The following SLC9A9 variants were observed in gnomAD, a reference collection of about 807,000 sequenced individuals.
SLC9A9 encodes the protein sodium/hydrogen exchanger 9.
A neutral mutation model predicts 77.8 loss-of-function variants in SLC9A9; 62 were observed. That is an observed-to-expected ratio of 0.80 (90% confidence interval 0.65 to 0.98). The LOEUF (loss-of-function observed/expected upper bound fraction) is 0.98, where lower values mean the gene tolerates loss of function less well. Among genes scored for constraint, SLC9A9 ranks in the 50% least tolerant of loss-of-function variants. SLC9A9 has a pLI of 0.00. For missense variants in SLC9A9, 775 were observed against 774.9 expected (o/e 1.00, Z 0.00); for synonymous variants, 320 against 283.5 (o/e 1.13, Z -1.29).
In SLC9A9 at chr3:143,578,659, A is replaced by T. The variant is rs1270843941; in HGVS notation, c.820T>A (p.Ser274Thr). Residue 274 changes from serine to threonine, a missense_variant, in exon 7 of 16, where the codon TCT (serine) becomes ACT (threonine). Ser to Thr is a moderately conservative substitution (Grantham distance 58, BLOSUM62 1). Transcript: ENST00000316549. Reference protein sequence around the residue: ...NAFDAAAFFQSVGNFLGIFAG... With the variant: ...NAFDAAAFFQTVGNFLGIFAG... ...AAGATTCCCAGGAAATTCCCCACAG[A>T]CTGGAAGAATGCTGCGGCATCAAAT... The T allele has an allele frequency of 6.2e-7, 1 of 1,613,954 alleles. No homozygotes were observed.
In SLC9A9 at chr3:143,767,584, C is replaced by T. The variant is rs529413512; in HGVS notation, c.533+27417G>A. On this transcript the variant is annotated intron_variant, in intron 4 of 15. Coordinates refer to ENST00000316549, the MANE Select transcript of SLC9A9 (RefSeq NM_173653.4). ...CACCTATTGAAAAGAACACCATAGA[C>T]TCCTTGGTTTCTATTATTTTGTGGT... Among the ~76,000 whole-genome samples the T allele has an allele frequency of 3.0e-4, 45 of 152,228 alleles. No homozygotes were observed. In the South Asian group the frequency reaches 8.3e-3, roughly 28 times the overall value.
intron 9 of SLC9A9, among the ~76,000 whole-genome samples, chr3:143,525,506 A>C (rs1243767414): frequency 6.6e-6 from 1 of 152,210 alleles, no homozygotes; most frequent in Non-Finnish European, 1.5e-5. Flanking sequence ...TGGAGGTAGC[A>C]TATGAGTCTC....
chr3:143,303,639 T>C (rs545737701), intron 14 of SLC9A9, among the ~76,000 whole-genome samples: 1 of 152,362 alleles, frequency 6.6e-6, no homozygotes, highest in South Asian at 2.1e-4. Flanking sequence ...ATTTGCTTTT[T>C]ACATATGAGC....
chr3:143,371,343 G>T (rs1480306630), intron 13 of SLC9A9, among the ~76,000 whole-genome samples: 1 of 152,144 alleles, frequency 6.6e-6, no homozygotes, highest in Admixed American at 6.5e-5. Context: ...CCCTAAAACC[G>T]AGGATGAAAT....
intron 5 of SLC9A9, among the ~76,000 whole-genome samples, chr3:143,685,550 C>T (rs1051354010): frequency 6.6e-6 from 1 of 152,080 alleles, no homozygotes; most frequent in African/African-American, 2.4e-5. Flanking sequence ...AATGCAGCTG[C>T]ATCATGTAAA....
At chr3:143,313,656 C>T (rs1440872918) in intron 14 of SLC9A9, among the ~76,000 whole-genome samples, 1 of 152,200 alleles carries the variant, frequency 6.6e-6, no homozygotes, top group East Asian at 1.9e-4. Flanking sequence ...AATACCATGT[C>T]CCGAGAGCGG....
chr3:143,517,654 G>A (rs1477542342), intron 9 of SLC9A9: 1 of 1,597,102 alleles, frequency 6.3e-7, no homozygotes, highest in African/African-American at 1.3e-5. Context: ...CTAGAAGTCT[G>A]TGTGCTTTCG....
At chr3:143,433,115 C>G (rs767635488) in intron 12 of SLC9A9, among the ~76,000 whole-genome samples, 1 of 152,152 alleles carries the variant, frequency 6.6e-6, no homozygotes, top group Non-Finnish European at 1.5e-5. Flanking sequence ...TTGGCCAACC[C>G]TTTTATGCAA....
chr3:143,466,221 G>C (rs1426501339), intron 12 of SLC9A9, among the ~76,000 whole-genome samples: 1 of 152,188 alleles, frequency 6.6e-6, no homozygotes, highest in East Asian at 1.9e-4. Context: ...TAATAGGTAG[G>C]AGTCAGGAAG....
intron 4 of SLC9A9, among the ~76,000 whole-genome samples, chr3:143,771,638 G>C (rs1424095300): frequency 6.6e-6 from 1 of 152,176 alleles, no homozygotes; most frequent in Non-Finnish European, 1.5e-5. Flanking sequence ...TAAACTGCAG[G>C]AAACACCTTA....
intron 6 of SLC9A9, among the ~76,000 whole-genome samples, chr3:143,639,637 A>G (rs1197305248): frequency 2.0e-5 from 3 of 152,228 alleles, no homozygotes; most frequent in Admixed American, 1.3e-4. Flanking sequence ...GCAGTTTTTA[A>G]TTATCCTGAA....
At chr3:143,583,620 T>C (rs568408323) in intron 6 of SLC9A9, among the ~76,000 whole-genome samples, 1 of 152,334 alleles carries the variant, frequency 6.6e-6, no homozygotes, top group East Asian at 1.9e-4. Context: ...TCAGTTTCTA[T>C]AAAATGATGA....
intron 12 of SLC9A9, among the ~76,000 whole-genome samples, chr3:143,411,343 A>G (rs1449329219): frequency 6.6e-6 from 1 of 152,146 alleles, no homozygotes; most frequent in Non-Finnish European, 1.5e-5. Context: ...TGGGTCCTAC[A>G]TTCAATTTTT....
intron 14 of SLC9A9, among the ~76,000 whole-genome samples, chr3:143,331,002 A>T (rs1346442377): frequency 6.6e-6 from 1 of 152,242 alleles, no homozygotes; most frequent in Non-Finnish European, 1.5e-5. Flanking sequence ...GAATCTCAGC[A>T]TTATCATGCA....
At chr3:143,357,230 C>G (rs1012782640) in intron 14 of SLC9A9, among the ~76,000 whole-genome samples, 7 of 152,160 alleles carry the variant, frequency 4.6e-5, no homozygotes, top group African/African-American at 1.7e-4. Context: ...GTTTGTGGCT[C>G]TCCTGAAGAG....
At chr3:143,803,699 C>T (rs531729110) in intron 2 of SLC9A9, among the ~76,000 whole-genome samples, 18 of 152,284 alleles carry the variant, frequency 1.2e-4, no homozygotes, top group South Asian at 4.1e-4. Context: ...ATCTCCACCA[C>T]GCTATCAACC....
chr3:143,804,287 G>C (rs1034576499), intron 2 of SLC9A9, among the ~76,000 whole-genome samples: 5 of 151,934 alleles, frequency 3.3e-5, no homozygotes, highest in African/African-American at 1.2e-4. Context: ...CTCCATCCTT[G>C]GCTACCTTCC....
chr3:143,315,091 C>T (rs2031159932), intron 14 of SLC9A9, among the ~76,000 whole-genome samples: 1 of 152,194 alleles, frequency 6.6e-6, no homozygotes, highest in South Asian at 2.1e-4. Context: ...ATTACAGAAT[C>T]CTTAATGGCA....
chr3:143,722,129 G>T (rs1934514909), intron 4 of SLC9A9, among the ~76,000 whole-genome samples: 1 of 152,122 alleles, frequency 6.6e-6, no homozygotes. Context: ...GTTCAAAACT[G>T]GGTAGCACTC....
Sources: allele counts gnomAD v4.1 joint callset (sites outside exome capture counted in the v4.1 genomes callset), GRCh38; gene constraint gnomAD v4.1.1; transcripts MANE v1.5; gene names NCBI Gene and HGNC (gene_info 2026-07-23, HGNC 2026-07-21).